The following HSPG2 variants were observed in gnomAD, a reference collection of about 807,000 sequenced individuals.
The protein encoded by HSPG2 is heparan sulfate proteoglycan 2.
HSPG2 carries 278 observed loss-of-function variants against 526.6 expected under a neutral mutation model. The observed-to-expected ratio is 0.53, with a 90% CI of 0.48 to 0.58. The LOEUF (loss-of-function observed/expected upper bound fraction) is 0.58. Among genes scored for constraint, HSPG2 ranks in the 20% least tolerant of loss-of-function variants. The pLI, the probability that HSPG2 is intolerant of heterozygous loss-of-function variation, is 0.00. For missense variants in HSPG2, 5,354 were observed against 6,099.5 expected (o/e 0.88, Z 4.07); for synonymous variants, 2,465 against 2,555.4 (o/e 0.96, Z 1.07).
rs1256138976 is a variant in HSPG2, at chr1:21,836,891, A to G, written c.10266T>C (p.Ala3422=). Residue 3422 remains alanine (A), a synonymous_variant, in exon 75 of 97, where the codon GCT becomes GCC. Transcript: ENST00000374695. ...GCTGGGTACCCCGGTCGCTGGGCAC[A>G]GCACAGTGGAACTCAACGCTGGCCC... ...SIGASVEFHC[A]VPSDRGTQLR... is the part of the protein sequence containing the mutation. 2 of 1,571,340 alleles carry G rather than the reference A, an allele frequency of 1.3e-6. No individual in the cohort carries two copies. Among genetic ancestry groups the G allele is most frequent in the Non-Finnish European group, 1.7e-6 (2 of 1,158,118 alleles).
At chr1:21,870,311 G>A (rs1009722842) in intron 33 of HSPG2, 19 of 985,688 alleles carry the variant, frequency 1.9e-5, no homozygotes, top group Non-Finnish European at 2.2e-5. Context: ...AGGGATGTGC[G>A]GTTCTGATGA....
Position 21,829,990 on chromosome 1 carries a change from C to T in HSPG2, c.11770+3G>A, listed in dbSNP as rs762116629. ...TGGGGGTCTCAGGCCTGGCTCCCCTCACCTTCCTCACACCGCAACCCCGAG... is the reference window on the plus strand; with the variant it reads ...TGGGGGTCTCAGGCCTGGCTCCCCTTACCTTCCTCACACCGCAACCCCGAG... On this transcript the variant is annotated splice_donor_region_variant and intron_variant, in intron 86 of 96. Coordinates refer to ENST00000374695, the MANE Select transcript of HSPG2 (RefSeq NM_005529.7). 2 of 1,604,780 alleles carry T rather than the reference C, an allele frequency of 1.2e-6. No individual in the cohort carries two copies. The highest frequency in any genetic ancestry group is 1.7e-6 in the Non-Finnish European group (2 of 1,176,316).
At chr1:21,841,799 G>A (rs1348429105) in intron 69 of HSPG2, 126 bp from the exon 70 acceptor site, 22 of 1,364,086 alleles carry the variant, frequency 1.6e-5, no homozygotes, top group Non-Finnish European at 2.0e-5. Context: ...CTAGCTCATG[G>A]AGTCGCAGAT....
At chr1:21,842,449 C>T (rs2152706594) in intron 67 of HSPG2, 69 bp from the exon 68 acceptor site, 1 of 1,478,174 alleles carries the variant, frequency 6.8e-7, no homozygotes, top group South Asian at 1.3e-5. Context: ...CCAAGCCCAA[C>T]TGTGCCGGTA....
rs1641819572 is a variant in HSPG2 at position 21,885,452 on chromosome 1, C to A, written c.1079-1G>T. 1 of 1,613,862 alleles carries A rather than the reference C, an allele frequency of 6.2e-7. No individual in the cohort carries two copies. The highest frequency in any genetic ancestry group is 1.7e-5 in the Admixed American group (1 of 59,986). Reference sequence around the variant, plus strand: ...CACACTTCCTCAGGACGCTTGGTGGCTGGGGACAAAGCCAGGTGGTTCCCA... The same window carrying A: ...CACACTTCCTCAGGACGCTTGGTGGATGGGGACAAAGCCAGGTGGTTCCCA... On this transcript the variant is annotated splice_acceptor_variant, in intron 9 of 96. Coordinates refer to ENST00000374695, the MANE Select transcript of HSPG2 (RefSeq NM_005529.7). LOFTEE classifies it high-confidence loss of function.
intron 66 of HSPG2, 104 bp from the exon 67 acceptor site, chr1:21,843,025 G>T: frequency 7.4e-7 from 1 of 1,353,912 alleles, no homozygotes; most frequent in Non-Finnish European, 1.0e-6. Context: ...CTGGGGGCGC[G>T]GTGGCTTGAG....
At chr1:21,932,689 A>C (rs1056665811) in intron 1 of HSPG2, among the ~76,000 whole-genome samples, 1 of 152,186 alleles carries the variant, frequency 6.6e-6, no homozygotes, top group African/African-American at 2.4e-5. Context: ...GGTCATATGG[A>C]TATTACGGGG....
rs1639514225 is a variant in HSPG2 at position 21,858,440 on chromosome 1, G to A, written c.5294-1055C>T. ...TCCTCGGGCCACACTCTCCCTAGGT[G>A]ACTTCATCCTGTCCCATAGCTTTGA... On this transcript the variant is annotated intron_variant, in intron 42 of 96. Coordinates refer to ENST00000374695, the MANE Select transcript of HSPG2 (RefSeq NM_005529.7). This position sits in a 1 kb window ranked among gnomAD's most constrained non-coding sequence, Gnocchi z 4.2. Among the ~76,000 whole-genome samples, 1 of 152,166 alleles carries A rather than the reference G, an allele frequency of 6.6e-6. No homozygotes were observed. The highest frequency in any genetic ancestry group is 1.5e-5 in the Non-Finnish European group (1 of 68,022).
chr1:21,909,215 A>G (rs1377552457), intron 1 of HSPG2, among the ~76,000 whole-genome samples: 1 of 152,092 alleles, frequency 6.6e-6, no homozygotes, highest in East Asian at 1.9e-4. Flanking sequence ...ATTCATTTAT[A>G]CCTCCCCTCT....
chr1:21,828,065 C>T lies in HSPG2; in HGVS notation c.12497G>A (p.Cys4166Tyr). 6.2e-7 allele frequency: 1 copy of T among 1,613,492 alleles called. No homozygotes were observed. Among genetic ancestry groups the T allele is most frequent in the Non-Finnish European group, 8.5e-7 (1 of 1,179,984 alleles). ...GGTCQGTRCL[C>Y]LPGFSGPRCQ... ...GCGTGGGCCAGAGAAGCCAGGGAGGCAGAGGCAGCGGGTGCCCTGGCAGGT... is the reference window on the plus strand; with the variant it reads ...GCGTGGGCCAGAGAAGCCAGGGAGGTAGAGGCAGCGGGTGCCCTGGCAGGT... Residue 4166 changes from cysteine (C) to tyrosine (Y), a missense_variant, in exon 90 of 97, where the codon TGC becomes TAC. Coordinates refer to ENST00000374695, the MANE Select transcript of HSPG2 (RefSeq NM_005529.7). This position sits in a 1 kb window ranked among gnomAD's most constrained non-coding sequence, Gnocchi z 6.0.
rs1430737747 is a variant in HSPG2, at chr1:21,861,729, C to T, written c.4955+28G>A. ...GGGAGTCCACCATTTGTCCTCCACC[C>T]TCCCCCTACTTCTGTTTACAAACTT... On this transcript the variant is annotated intron_variant, in intron 39 of 96. Coordinates refer to ENST00000374695, the MANE Select transcript of HSPG2 (RefSeq NM_005529.7). The T allele has an allele frequency of 1.9e-6, 3 of 1,605,232 alleles. No homozygotes were observed. The South Asian group carries it at 3.3e-5, about 18-fold the overall frequency.
chr1:21,865,424 G>A lies in HSPG2; in HGVS notation c.4315-59C>T, dbSNP rs945499130. On this transcript the variant is annotated intron_variant, in intron 34 of 96. Transcript: ENST00000374695. The surrounding 1 kb of genome is among the most constrained non-coding windows in gnomAD (Gnocchi z 5.4). ...CGAGGGGTCCCTGGGGTGCCAGGGT[G>A]TCCTCCACCAGTCCTAGATTCTCTG... The A allele has an allele frequency of 6.8e-7, 1 of 1,463,732 alleles. No individual in the cohort carries two copies. The highest frequency in any genetic ancestry group is 9.6e-7 in the Non-Finnish European group (1 of 1,044,402). 90.7% of individuals were successfully genotyped at this position (1,463,732 alleles called of 1,614,324 possible).
At chr1:21,929,411 CTTTTT>C (rs1046354414) in intron 1 of HSPG2, among the ~76,000 whole-genome samples, 1 of 145,082 alleles carries the variant, frequency 6.9e-6, no homozygotes, top group Non-Finnish European at 1.5e-5. Context: ...ATTCTTTTTT[CTTTTT>C]TTTTTTTAAG....
At chr1:21,882,694 A>G (rs1641605869) in intron 13 of HSPG2, among the ~76,000 whole-genome samples, 1 of 152,088 alleles carries the variant, frequency 6.6e-6, no homozygotes. Flanking sequence ...TTTCAATTTA[A>G]AGAGCCACAC....
chr1:21,858,353 C>T lies in HSPG2; in HGVS notation c.5294-968G>A, dbSNP rs1431662117. 6.6e-6 allele frequency among the ~76,000 whole-genome samples: 1 copy of T among 152,162 alleles called. No individual in the cohort carries two copies. The highest frequency in any genetic ancestry group is 2.4e-5 in the African/African-American group (1 of 41,444). ...CTGCACTCTCTCAGGCTCTTCCTGCCCTTCCTCTTCCATTTGACATGTTCA... is the reference window on the plus strand; with the variant it reads ...CTGCACTCTCTCAGGCTCTTCCTGCTCTTCCTCTTCCATTTGACATGTTCA... On this transcript the variant is annotated intron_variant, in intron 42 of 96. Coordinates refer to ENST00000374695, the MANE Select transcript of HSPG2 (RefSeq NM_005529.7). The surrounding 1 kb of genome is among the most constrained non-coding windows in gnomAD (Gnocchi z 4.2).
In HSPG2 at chr1:21,824,643, A is replaced by G. The variant is rs745806778; in HGVS notation, c.12666-28T>C. 11 of 1,613,414 alleles carry G rather than the reference A, an allele frequency of 6.8e-6. No homozygotes were observed. In the East Asian group the frequency reaches 2.2e-4, roughly 33 times the overall value. On this transcript the variant is annotated intron_variant, in intron 92 of 96. Coordinates refer to ENST00000374695, the MANE Select transcript of HSPG2 (RefSeq NM_005529.7). The surrounding 1 kb of genome is among the most constrained non-coding windows in gnomAD (Gnocchi z 5.9). ...GCGGAGGAAGAGCGGGTGAGGGGACAGAAGTCCCAGATTCCCATCCTCCCC... is the reference window on the plus strand; with the variant it reads ...GCGGAGGAAGAGCGGGTGAGGGGACGGAAGTCCCAGATTCCCATCCTCCCC...
At chr1:21,829,916 C>A in intron 86 of HSPG2, 77 bp downstream of exon 86, 1 of 1,225,150 alleles carries the variant, frequency 8.2e-7, no homozygotes, top group Non-Finnish European at 1.2e-6. Context: ...TAGGGCCCAT[C>A]ATGGCCTCAG....
Position 21,823,405 on chromosome 1 carries a change from A to C in HSPG2, c.13087T>G (p.Ser4363Ala). ...TGCVKNLVLH[S>A]ARPGAPPPQP... is the part of the protein sequence containing the mutation. ...GGGGGCGGGGCGCCGGGTCGGGCCGAGTGCAGCACCAGGTTCTTGACACAG... is the reference window on the plus strand; with the variant it reads ...GGGGGCGGGGCGCCGGGTCGGGCCGCGTGCAGCACCAGGTTCTTGACACAG... Residue 4363 changes from serine (S) to alanine (A), a missense_variant, in exon 97 of 97, where the codon TCG becomes GCG. Transcript: ENST00000374695. 1 of 1,575,298 alleles carries C rather than the reference A, an allele frequency of 6.3e-7. No individual in the cohort carries two copies. The highest frequency in any genetic ancestry group is 8.6e-7 in the Non-Finnish European group (1 of 1,165,448).
At position 21,895,146 on chromosome 1, in the gene HSPG2, T is replaced by C. The variant is rs1642659103; in HGVS notation, c.244+776A>G. ...TGGATGCCACGGGATGGCCCAGTAG[T>C]TGGTCTGACCTGAGCACCTGCTCCA... is the stretch of plus-strand genomic sequence containing the variant. On this transcript the variant is annotated intron_variant, in intron 3 of 96. Coordinates refer to ENST00000374695, the MANE Select transcript of HSPG2 (RefSeq NM_005529.7). The surrounding 1 kb of genome is among the most constrained non-coding windows in gnomAD (Gnocchi z 4.1). 6.6e-6 allele frequency among the ~76,000 whole-genome samples: 1 copy of C among 152,200 alleles called. No homozygotes were observed. The highest frequency in any genetic ancestry group is 2.4e-5 in the African/African-American group (1 of 41,446).
Sources: allele counts gnomAD v4.1 joint callset (sites outside exome capture counted in the v4.1 genomes callset), GRCh38; gene constraint gnomAD v4.1.1; non-coding constraint Gnocchi (gnomAD v3.1); transcripts MANE v1.5; gene names NCBI Gene and HGNC (gene_info 2026-07-23, HGNC 2026-07-21).